Variants in DLC1 observed in about 807,000 individuals in gnomAD.
The protein encoded by DLC1 is rho GTPase-activating protein 7.
Under a neutral mutation model 140.3 loss-of-function variants are expected in DLC1, and 54 were observed. That is an observed-to-expected ratio of 0.38 (90% confidence interval 0.31 to 0.48). DLC1 has a LOEUF of 0.48. DLC1 is among the 20% of genes least tolerant of loss of function. The probability of loss-of-function intolerance (pLI) is 0.96; values close to 1 mark genes in which losing one functional copy is unlikely to be tolerated. For missense variants in DLC1, 2,536 were observed against 1,907.0 expected (o/e 1.33, Z -6.14); for synonymous variants, 986 against 728.1 (o/e 1.35, Z -5.70).
chr8:13,435,915 C>T (rs993006854), intron 2 of DLC1, among the ~76,000 whole-genome samples: 3 of 152,158 alleles, frequency 2.0e-5, no homozygotes, highest in African/African-American at 7.2e-5. Context: ...CCAACTATTA[C>T]TCCCATCAGT....
chr8:13,395,837 C>T (rs1196188669), intron 3 of DLC1, among the ~76,000 whole-genome samples: 1 of 145,222 alleles, frequency 6.9e-6, no homozygotes, highest in Non-Finnish European at 1.6e-5. Flanking sequence ...AGGGCCATGT[C>T]TTCTTCTTCT....
At chr8:13,286,984 T>C (rs562515620) in intron 5 of DLC1, among the ~76,000 whole-genome samples, 2 of 152,208 alleles carry the variant, frequency 1.3e-5, no homozygotes, top group East Asian at 3.9e-4. Flanking sequence ...GAAGCACAAA[T>C]GCGGATGGTG....
Position 13,592,580 on chromosome 8 carries a change from T to C in DLC1, c.-126+11957A>G, listed in dbSNP as rs147149580. On this transcript the variant is annotated intron_variant, in intron 1 of 1. Transcript: ENST00000631382. ...TTAGCTCTTTAATTAATCCAAAACA[T>C]ATTTTGGTGACTGAGCAGCCATTTG... is the stretch of plus-strand genomic sequence containing the variant. Among the ~76,000 whole-genome samples the C allele has an allele frequency of 1.8e-4, 27 of 152,170 alleles. 1 individual carries two copies. The East Asian group carries it at 4.5e-3, about 25-fold the overall frequency.
chr8:13,551,482 C>G (rs970171815), intron 1 of DLC1, among the ~76,000 whole-genome samples: 1 of 152,134 alleles, frequency 6.6e-6, no homozygotes, highest in East Asian at 1.9e-4. Context: ...CTCTCTCTTT[C>G]CCTCCAACCT....
chr8:13,454,770 T>A (rs2116995047), intron 2 of DLC1, among the ~76,000 whole-genome samples: 1 of 152,284 alleles, frequency 6.6e-6, no homozygotes, highest in Non-Finnish European at 1.5e-5. Flanking sequence ...CCCAGGCTGG[T>A]CTCAAACTCC....
At chr8:13,604,042 C>T (rs1199880938) in intron 1 of DLC1, among the ~76,000 whole-genome samples, 1 of 152,004 alleles carries the variant, frequency 6.6e-6, no homozygotes, top group Non-Finnish European at 1.5e-5. Flanking sequence ...TTCTAATCAA[C>T]ATAACTGTAA....
At chr8:13,343,301 T>C (rs1043481767) in intron 4 of DLC1, among the ~76,000 whole-genome samples, 1 of 152,190 alleles carries the variant, frequency 6.6e-6, no homozygotes, top group Non-Finnish European at 1.5e-5. Flanking sequence ...GAGCAGAAAG[T>C]GATGGCTCAT....
chr8:13,571,429 T>C (rs555323661), intron 1 of DLC1, among the ~76,000 whole-genome samples: 1 of 152,314 alleles, frequency 6.6e-6, no homozygotes, highest in Admixed American at 6.5e-5. Flanking sequence ...TAAATTTGCT[T>C]ATTTGAGATA....
chr8:13,598,910 T>C (rs1805771997), intron 1 of DLC1, among the ~76,000 whole-genome samples: 1 of 151,870 alleles, frequency 6.6e-6, no homozygotes, highest in South Asian at 2.1e-4. Context: ...ATTTTCATTA[T>C]TCTAAATAAA....
intron 4 of DLC1, among the ~76,000 whole-genome samples, chr8:13,309,904 T>C (rs1245412439): frequency 6.6e-6 from 1 of 152,224 alleles, no homozygotes; most frequent in Non-Finnish European, 1.5e-5. Context: ...ATGCTTTTTT[T>C]CTACTTTCTC....
chr8:13,599,314 A>G (rs116395515), intron 1 of DLC1, among the ~76,000 whole-genome samples: 2 of 151,974 alleles, frequency 1.3e-5, no homozygotes, highest in African/African-American at 4.8e-5. Context: ...GATAAAATGC[A>G]TGTGCCATAG....
intron 5 of DLC1, among the ~76,000 whole-genome samples, chr8:13,152,786 T>C (rs1421022232): frequency 5.5e-5 from 7 of 127,442 alleles, no homozygotes; most frequent in Non-Finnish European, 3.1e-5. Flanking sequence ...CACTGCACTC[T>C]AGCCTGGGTG....
intron 5 of DLC1, among the ~76,000 whole-genome samples, chr8:13,278,325 C>T (rs887505400): frequency 3.9e-5 from 6 of 152,172 alleles, no homozygotes; most frequent in African/African-American, 1.4e-4. Flanking sequence ...TGTGTTTCTC[C>T]TTCAAAGAGG....
intron 2 of DLC1, among the ~76,000 whole-genome samples, chr8:13,445,953 A>G (rs1798754837): frequency 6.6e-6 from 1 of 152,172 alleles, no homozygotes; most frequent in Admixed American, 6.5e-5. Context: ...TAACCCTAAG[A>G]AAGGGGCAAG....
chr8:13,310,987 T>G (rs1237663742), intron 4 of DLC1, among the ~76,000 whole-genome samples: 1 of 152,218 alleles, frequency 6.6e-6, no homozygotes. Context: ...AAATACATTT[T>G]CTGTTTTTTA....
At chr8:13,580,965 C>G (rs546149582) in intron 1 of DLC1, among the ~76,000 whole-genome samples, 2 of 152,298 alleles carry the variant, frequency 1.3e-5, no homozygotes, top group South Asian at 4.1e-4. Context: ...CCCACCAGTA[C>G]TGAACTAAGG....
At chr8:13,394,182 C>T (rs1350208837) in intron 3 of DLC1, among the ~76,000 whole-genome samples, 1 of 152,202 alleles carries the variant, frequency 6.6e-6, no homozygotes, top group African/African-American at 2.4e-5. Flanking sequence ...ATGGTGACAG[C>T]TATTACGGTG....
chr8:13,197,656 T>C (rs899625930), intron 5 of DLC1, among the ~76,000 whole-genome samples: 2 of 152,144 alleles, frequency 1.3e-5, no homozygotes, highest in African/African-American at 4.8e-5. Context: ...GATTTATTTT[T>C]TTTTAAAAGA....
intron 2 of DLC1, among the ~76,000 whole-genome samples, chr8:13,453,426 G>GTATATATATATGTATATATATATGTGTA (rs1799193476): frequency 7.9e-5 from 1 of 12,692 alleles, no homozygotes; most frequent in Non-Finnish European, 1.2e-4. Context: ...ATATATATGT[G>GTATATATATATGTATATATATATGTGTA]TATATATATA....
Sources: gnomAD v4.1 joint callset for allele counts (sites outside exome capture counted in the v4.1 genomes callset) on GRCh38, gnomAD v4.1.1 for gene constraint, MANE v1.5 for transcripts, NCBI Gene and HGNC (gene_info 2026-07-23, HGNC 2026-07-21) for gene names.